The following GRAMD1B variants were observed in gnomAD, a reference collection of about 807,000 sequenced individuals.
GRAMD1B encodes the protein protein Aster-B.
A neutral mutation model predicts 99.7 loss-of-function variants in GRAMD1B; 37 were observed. The observed-to-expected ratio is 0.37, with a 90% CI of 0.29 to 0.49. GRAMD1B has a LOEUF of 0.49. Ranked by LOEUF, GRAMD1B falls within the 20% of genes least tolerant of loss-of-function variation. GRAMD1B has a pLI of 0.98. For missense variants in GRAMD1B, 888 were observed against 1,009.2 expected, an observed-to-expected ratio of 0.88 and a Z score of 1.63; for synonymous variants, 427 against 387.6, an observed-to-expected ratio of 1.10 and a Z score of -1.19.
Position 123,605,364 on chromosome 11 carries a change from C to T in GRAMD1B, c.1209C>T (p.Asp403=), listed in dbSNP as rs780864422. Residue 403 remains aspartate, a synonymous_variant, in exon 10 of 20, where the codon GAC becomes GAT. Transcript: ENST00000635736. The part of the protein sequence containing the change: ...EIPVEENEVN[D]SSSKSSIETK... ...CTGTGGAAGAGAATGAAGTGAATGA[C>T]AGCTCATCCAAGAGCAGCATAGAGA... is the stretch of plus-strand genomic sequence containing the variant. 4 of 1,612,620 alleles carry T rather than the reference C, an allele frequency of 2.5e-6. No homozygotes were observed. The Admixed American group carries it at 6.7e-5, about 27-fold the overall frequency.
At chr11:123,513,080 TTACA>T (rs1193301207) in intron 2 of GRAMD1B, among the ~76,000 whole-genome samples, 1 of 152,210 alleles carries the variant, frequency 6.6e-6, no homozygotes, top group Non-Finnish European at 1.5e-5. Context: ...TGTAAGTAAC[TTACA>T]TACAGTTTCA....
intron 2 of GRAMD1B, among the ~76,000 whole-genome samples, chr11:123,570,614 G>A (rs1947972903): frequency 6.6e-6 from 1 of 151,842 alleles, no homozygotes; most frequent in Non-Finnish European, 1.5e-5. Flanking sequence ...AGTAGAGATG[G>A]TGTTTCACCA....
rs1339394875 is a variant in GRAMD1B, at chr11:123,577,514, G to A, written c.600G>A (p.Pro200=). The A allele has an allele frequency of 3.1e-6, 5 of 1,600,686 alleles. No homozygotes were observed. Among genetic ancestry groups the A allele is most frequent in the Non-Finnish European group, 3.4e-6 (4 of 1,173,952 alleles). The change falls in exon 3 of 20, where the codon CCG becomes CCA. Residue 200 remains proline, a synonymous_variant. Transcript: ENST00000635736. Reference sequence around the variant, plus strand: ...CCTCGGACAAGTCCCCGTCCACACCGGAGCAGGGCGTGCAGCGCAGCTGCT... The same window carrying A: ...CCTCGGACAAGTCCCCGTCCACACCAGAGCAGGGCGTGCAGCGCAGCTGCT... ...DHSSDKSPST[P]EQGVQRSCSS...
chr11:123,392,784 C>T (rs1041076345), intron 1 of GRAMD1B, among the ~76,000 whole-genome samples: 5 of 152,138 alleles, frequency 3.3e-5, no homozygotes. Flanking sequence ...TAATATTACT[C>T]CTATCTACTT....
chr11:123,580,835 G>A (rs960043404), intron 3 of GRAMD1B, among the ~76,000 whole-genome samples: 27 of 151,750 alleles, frequency 1.8e-4, no homozygotes, highest in African/African-American at 6.3e-4. Flanking sequence ...CCGCCCTGCT[G>A]CACACCTCCC....
intron 1 of GRAMD1B, among the ~76,000 whole-genome samples, chr11:123,470,345 A>AT (rs1188411664): frequency 2.6e-5 from 4 of 151,872 alleles, no homozygotes; most frequent in Non-Finnish European, 5.9e-5. Context: ...AGCAGCTCAT[A>AT]TTTTTTTTCT....
chr11:123,528,122 C>T (rs955752694), intron 2 of GRAMD1B, among the ~76,000 whole-genome samples: 4 of 152,046 alleles, frequency 2.6e-5, no homozygotes, highest in South Asian at 2.1e-4. Flanking sequence ...GGATGAAATG[C>T]GGCTCCCTTT....
intron 1 of GRAMD1B, among the ~76,000 whole-genome samples, chr11:123,381,046 A>C (rs1946855877): frequency 6.6e-6 from 1 of 151,958 alleles, no homozygotes; most frequent in South Asian, 2.1e-4. Flanking sequence ...ACCCCTGATC[A>C]GAGGTAGGGG....
chr11:123,564,571 A>G (rs1947143185), intron 2 of GRAMD1B, among the ~76,000 whole-genome samples: 1 of 152,202 alleles, frequency 6.6e-6, no homozygotes, highest in Admixed American at 6.5e-5. Flanking sequence ...GTAAGGTGTT[A>G]GTTCATTACA....
chr11:123,522,678 T>C (rs1274270438), intron 2 of GRAMD1B, among the ~76,000 whole-genome samples: 1 of 152,134 alleles, frequency 6.6e-6, no homozygotes, highest in East Asian at 1.9e-4. Flanking sequence ...TGAGAAGCTC[T>C]GTTTCAGAAA....
intron 1 of GRAMD1B, among the ~76,000 whole-genome samples, chr11:123,424,334 C>A (rs926613462): frequency 6.6e-6 from 1 of 151,646 alleles, no homozygotes; most frequent in East Asian, 1.9e-4. Flanking sequence ...AGAATAAAAT[C>A]TATAATTCAA....
chr11:123,560,481 C>T (rs568303281), intron 2 of GRAMD1B: 24 of 1,224,576 alleles, frequency 2.0e-5, no homozygotes, highest in South Asian at 8.6e-5. Context: ...AGCCCTGGCC[C>T]GAGTCCCCTC....
intron 1 of GRAMD1B, among the ~76,000 whole-genome samples, chr11:123,399,344 T>A (rs1296358625): frequency 6.6e-6 from 1 of 152,210 alleles, no homozygotes; most frequent in Non-Finnish European, 1.5e-5. Context: ...CTATTGTGAA[T>A]AGTGTTATTC....
At chr11:123,488,284 C>T (rs546082761) in intron 2 of GRAMD1B, among the ~76,000 whole-genome samples, 1 of 152,258 alleles carries the variant, frequency 6.6e-6, no homozygotes, top group East Asian at 1.9e-4. Flanking sequence ...TCTATAGCAC[C>T]AGGTAGCTCC....
At chr11:123,421,688 G>A (rs761086744) in intron 1 of GRAMD1B, among the ~76,000 whole-genome samples, 80 of 152,178 alleles carry the variant, frequency 5.3e-4, no homozygotes, top group Non-Finnish European at 1.1e-3. Flanking sequence ...ATATCTTCCA[G>A]AGGTATCTGC....
In GRAMD1B at chr11:123,612,029, G is replaced by C. The variant is rs542293339; in HGVS notation, c.1920-732G>C. Among the ~76,000 whole-genome samples the C allele has an allele frequency of 2.0e-5, 3 of 152,214 alleles. No homozygotes were observed. The South Asian group carries it at 6.2e-4, about 32-fold the overall frequency. ...AGCAAGAATGCTTGGAAAAGAGCAAGAGCTGGTGAGGTCTGGGGTGCAGTG... is the reference window on the plus strand; with the variant it reads ...AGCAAGAATGCTTGGAAAAGAGCAACAGCTGGTGAGGTCTGGGGTGCAGTG... On this transcript the variant is annotated intron_variant, in intron 14 of 19. Coordinates refer to ENST00000635736, the MANE Select transcript of GRAMD1B (RefSeq NM_001387025.1).
At chr11:123,533,703 T>A (rs1463560344) in intron 2 of GRAMD1B, among the ~76,000 whole-genome samples, 1 of 152,100 alleles carries the variant, frequency 6.6e-6, no homozygotes, top group Non-Finnish European at 1.5e-5. Flanking sequence ...CTGGGTTTAC[T>A]GGCGTGAGCC....
At chr11:123,571,376 C>A (rs4936831) in intron 2 of GRAMD1B, among the ~76,000 whole-genome samples, 6,336 of 152,192 alleles carry the variant, frequency 0.042, 157 homozygotes, top group Non-Finnish European at 0.065. Flanking sequence ...GCAGGGATGC[C>A]GCAGAGAGTC....
intron 2 of GRAMD1B, among the ~76,000 whole-genome samples, chr11:123,536,941 A>G (rs1356079381): frequency 6.6e-6 from 1 of 152,222 alleles, no homozygotes; most frequent in East Asian, 1.9e-4. Flanking sequence ...GATGATGGGC[A>G]GGATTAGAGC....
Sources: allele counts gnomAD v4.1 joint callset (sites outside exome capture counted in the v4.1 genomes callset), GRCh38; gene constraint gnomAD v4.1.1; transcripts MANE v1.5; gene names NCBI Gene and HGNC (gene_info 2026-07-23, HGNC 2026-07-21).